The following WNT7B variants were observed in gnomAD, a reference collection of about 807,000 sequenced individuals.
The protein encoded by WNT7B is protein Wnt-7b.
Under a neutral mutation model 38.2 loss-of-function variants are expected in WNT7B, and 19 were observed. The observed-to-expected ratio is 0.50, with a 90% CI of 0.35 to 0.73. The LOEUF is 0.73. Ranked by LOEUF, WNT7B falls within the 30% of genes least tolerant of loss-of-function variation. WNT7B has a pLI of 0.01. For synonymous variants in WNT7B, 243 were observed against 209.3 expected (o/e 1.16, Z -1.39); for missense variants, 423 against 507.9 (o/e 0.83, Z 1.61).
rs1569106987 is a variant in WNT7B, at chr22:45,920,745, TGGGATGGGGGATGA to T, written c.*2097_*2110del. ...ATGAGGGATGAGATGAGGGATGGGA[TGGGATGGGGGATGA>T]GGGATGGGGGCCGCAGCCATCCCCC... On this transcript the variant is annotated 3_prime_UTR_variant, in exon 4 of 4. Coordinates refer to ENST00000339464, the MANE Select transcript of WNT7B (RefSeq NM_058238.3). 2 of 38,780 alleles carry T rather than the reference TGGGATGGGGGATGA, an allele frequency of 5.2e-5. No individual in the cohort carries two copies. The highest frequency in any genetic ancestry group is 4.1e-4 in the Admixed American group (1 of 2,460). The allele number at this position is 38,780 out of a possible 1,614,324, so 2.4% of individuals were successfully genotyped here.
intron 1 of WNT7B, among the ~76,000 whole-genome samples, chr22:45,970,541 C>T (rs1016568062): frequency 2.9e-4 from 42 of 147,242 alleles, no homozygotes; most frequent in Non-Finnish European, 4.6e-5. Flanking sequence ...CAACCCCCAA[C>T]CCCCCCACTT....
intron 2 of WNT7B, among the ~76,000 whole-genome samples, chr22:45,943,968 G>A (rs1020058064): frequency 6.6e-6 from 1 of 152,144 alleles, no homozygotes; most frequent in Non-Finnish European, 1.5e-5. Context: ...CGGAACCCAC[G>A]TGGGAAGCTC....
chr22:45,925,016 C>A, intron 3 of WNT7B: 10 of 862,394 alleles, frequency 1.2e-5, no homozygotes, highest in Non-Finnish European at 1.3e-5. Flanking sequence ...TCTCATCAGG[C>A]AGGTGCTGGG....
chr22:45,945,830 C>A (rs929053331), intron 2 of WNT7B, among the ~76,000 whole-genome samples: 1 of 152,256 alleles, frequency 6.6e-6, no homozygotes, highest in Non-Finnish European at 1.5e-5. Flanking sequence ...AAGACACTCC[C>A]CACGCAGAGC....
Position 45,922,846 on chromosome 22 carries a change from G to A in WNT7B, c.*10C>T, listed in dbSNP as rs111982331. 2,198 of 1,586,530 alleles carry A rather than the reference G, an allele frequency of 1.4e-3. 18 individuals carry two copies. In the African/African-American group the frequency reaches 0.027, roughly 19 times the overall value. On this transcript the variant is annotated 3_prime_UTR_variant, in exon 4 of 4. Coordinates refer to ENST00000339464, the MANE Select transcript of WNT7B (RefSeq NM_058238.3). ...TTCCAGGGTGCCCGCGGCCGCCTCC[G>A]GGCCTGGCCTCACTTGCAGGTGAAG...
intron 2 of WNT7B, among the ~76,000 whole-genome samples, chr22:45,934,926 G>A (rs1007220813): frequency 1.3e-5 from 2 of 152,214 alleles, no homozygotes; most frequent in African/African-American, 4.8e-5. Flanking sequence ...CGTGGACTGT[G>A]GGCTCCCGTG....
chr22:45,955,954 G>A (rs1054414368), intron 1 of WNT7B, among the ~76,000 whole-genome samples: 5 of 152,172 alleles, frequency 3.3e-5, no homozygotes, highest in East Asian at 1.9e-4. Context: ...GCCAGGTAGC[G>A]GGACGACCTT....
At chr22:45,933,606 G>A (rs1220362287) in intron 2 of WNT7B, among the ~76,000 whole-genome samples, 1 of 152,192 alleles carries the variant, frequency 6.6e-6, no homozygotes, top group African/African-American at 2.4e-5. Context: ...TCCCAGTAAA[G>A]GGTGGAGAAG....
chr22:45,932,297 T>A (rs1342731951), intron 2 of WNT7B, among the ~76,000 whole-genome samples: 1 of 152,130 alleles, frequency 6.6e-6, no homozygotes, highest in African/African-American at 2.4e-5. Flanking sequence ...CAGGCGCTGC[T>A]CACATCCCCT....
At chr22:45,931,034 G>T (rs916596024) in intron 3 of WNT7B, 64 bp downstream of exon 3, 7 of 1,493,522 alleles carry the variant, frequency 4.7e-6, no homozygotes, top group Non-Finnish European at 4.4e-6. Context: ...CTGAGGCTCC[G>T]AGAGGTCAGC....
chr22:45,927,254 A>G (rs1381116782), intron 3 of WNT7B: 1 of 985,376 alleles, frequency 1.0e-6, no homozygotes, highest in Middle Eastern at 5.2e-4. Context: ...CTGCTCTGAC[A>G]GTTTTCCGCA....
At chr22:45,929,867 TCCATCCAACCATCTAC>T (rs1326911901) in intron 3 of WNT7B, among the ~76,000 whole-genome samples, 64 of 144,822 alleles carry the variant, frequency 4.4e-4, no homozygotes, top group African/African-American at 1.3e-3. Flanking sequence ...CTTCCATCCA[TCCATCCAACCATCTAC>T]CCACTCATCC....
At chr22:45,956,167 GTC>G (rs945219530) in intron 1 of WNT7B, among the ~76,000 whole-genome samples, 2 of 152,214 alleles carry the variant, frequency 1.3e-5, no homozygotes, top group Admixed American at 1.3e-4. Flanking sequence ...GGGTGCCTGA[GTC>G]TGCAAATTCC....
rs536896055 is a variant in WNT7B, at chr22:45,958,100, G to A, written c.72-7954C>T. On this transcript the variant is annotated intron_variant, in intron 1 of 3. Coordinates refer to ENST00000339464, the MANE Select transcript of WNT7B (RefSeq NM_058238.3). ...CCCGTGCCCAGCCTGGCACTCAGGCGGTGGACAGAGTCACCCACATAGCCA... is the reference window on the plus strand; with the variant it reads ...CCCGTGCCCAGCCTGGCACTCAGGCAGTGGACAGAGTCACCCACATAGCCA... Among the ~76,000 whole-genome samples, 767 of 152,274 alleles carry A rather than the reference G, an allele frequency of 5.0e-3. 1 individual carries two copies. Among genetic ancestry groups the A allele is most frequent in the Non-Finnish European group, 8.7e-3 (590 of 68,010 alleles).
At position 45,922,811 on chromosome 22, in the gene WNT7B, T is replaced by C. The variant is rs368443461; in HGVS notation, c.*45A>G. 55 of 1,557,656 alleles carry C rather than the reference T, an allele frequency of 3.5e-5. No homozygotes were observed. The African/African-American group carries it at 6.0e-4, about 17-fold the overall frequency. ...GAAGGTGAGGAGTGGATGTGCAAAA[T>C]GCCGCCGGGTTCCAGGGTGCCCGCG... On this transcript the variant is annotated 3_prime_UTR_variant, in exon 4 of 4. Coordinates refer to ENST00000339464, the MANE Select transcript of WNT7B (RefSeq NM_058238.3).
At chr22:45,969,921 TC>T (rs148038160) in intron 1 of WNT7B, among the ~76,000 whole-genome samples, 1 of 152,138 alleles carries the variant, frequency 6.6e-6, no homozygotes, top group African/African-American at 2.4e-5. Flanking sequence ...CGGCTGACAC[TC>T]ACCCCCACCT....
In WNT7B at chr22:45,923,115, A is replaced by G. The variant is rs1395784265; in HGVS notation, c.791T>C (p.Met264Thr). The change falls in exon 4 of 4, where the codon ATG becomes ACG. Residue 264 changes from methionine to threonine, a missense_variant. Around this residue, in one of 3 missense-constraint regions of WNT7B, gnomAD observed 158 missense variants for 214.7 expected, o/e 0.74. Coordinates refer to ENST00000339464, the MANE Select transcript of WNT7B (RefSeq NM_058238.3). The part of the protein sequence containing the change: ...IKQLRSYQKP[M>T]ETDLVYIEKS... ...CTCAATGTACACCAGGTCTGTCTCC[A>G]TGGGCTTCTGATAGCTGCGCAGCTG... is the stretch of plus-strand genomic sequence containing the variant. 6.2e-7 allele frequency: 1 copy of G among 1,613,680 alleles called. No homozygotes were observed. The highest frequency in any genetic ancestry group is 2.2e-5 in the East Asian group (1 of 44,884).
At chr22:45,960,674 C>T (rs10448585) in intron 1 of WNT7B, among the ~76,000 whole-genome samples, 114,896 of 152,226 alleles carry the variant, frequency 0.75, 43,517 homozygotes, top group East Asian at 0.83. Flanking sequence ...GCAAAAATAT[C>T]TGAAGAATGT....
intron 1 of WNT7B, among the ~76,000 whole-genome samples, chr22:45,957,849 C>T (rs550599776): frequency 2.6e-5 from 4 of 152,288 alleles, no homozygotes; most frequent in South Asian, 2.1e-4. Flanking sequence ...GGCCAGCCAC[C>T]GACCTAAGGC....
Sources: allele counts gnomAD v4.1 joint callset (sites outside exome capture counted in the v4.1 genomes callset), GRCh38; gene constraint gnomAD v4.1.1; regional missense constraint gnomAD v4.1.1; transcripts MANE v1.5; gene names NCBI Gene and HGNC (gene_info 2026-07-23, HGNC 2026-07-21).